PHAX: variants seen among roughly 807,000 people sequenced by gnomAD.
PHAX encodes the protein phosphorylated adaptor for RNA export.
A neutral mutation model predicts 41.6 loss-of-function variants in PHAX; 31 were observed. That is an observed-to-expected ratio of 0.75 (90% confidence interval 0.56 to 1.01). The LOEUF is 1.01. Among genes scored for constraint, PHAX ranks in the 50% least tolerant of loss-of-function variants. The pLI is 0.00. For missense variants in PHAX, 453 were observed against 472.9 expected (o/e 0.96, Z 0.39); for synonymous variants, 175 against 164.9 (o/e 1.06, Z -0.47).
chr5:126,622,442 ATTTTTTTT>A (rs56297404), intron 4 of PHAX, among the ~76,000 whole-genome samples: 5 of 56,070 alleles, frequency 8.9e-5, no homozygotes, highest in Non-Finnish European at 1.3e-4. Flanking sequence ...TAATTTTTGT[ATTTTTTTT>A]TTTTTTTTTT....
intron 4 of PHAX, among the ~76,000 whole-genome samples, chr5:126,620,348 C>T (rs1752250841): frequency 6.6e-6 from 1 of 152,158 alleles, no homozygotes; most frequent in Non-Finnish European, 1.5e-5. Flanking sequence ...TAAAAGATAC[C>T]TTCTAAGTAA....
intron 3 of PHAX, among the ~76,000 whole-genome samples, chr5:126,609,011 A>G (rs1184041326): frequency 6.6e-6 from 1 of 152,008 alleles, no homozygotes; most frequent in African/African-American, 2.4e-5. Flanking sequence ...TGACAAAAAA[A>G]CAAACAAACA....
At position 126,604,169 on chromosome 5, in the gene PHAX, T is replaced by A. The variant is rs1751952871; in HGVS notation, c.696T>A (p.Asp232Glu). Residue 232 changes from aspartate (D) to glutamate (E), a missense_variant, in exon 2 of 5, where the codon GAT becomes GAA. Transcript: ENST00000297540. The stretch of plus-strand genomic sequence containing the variant: ...AAGATTCTCAAGAGAAAGTGGCTGA[T>A]GAAATTTCATTCAGGTGAGCATTTG... The part of the protein sequence containing the change: ...TAEDSQEKVA[D>E]EISFRLQEPK... 6.5e-7 allele frequency: 1 copy of A among 1,530,002 alleles called. No individual in the cohort carries two copies. Among genetic ancestry groups the A allele is most frequent in the African/African-American group, 1.4e-5 (1 of 71,756 alleles). The allele number at this position is 1,530,002 out of a possible 1,614,324, so 94.8% of individuals were successfully genotyped here.
Position 126,624,742 on chromosome 5 carries a change from C to G in PHAX, c.1083C>G (p.Ala361=). 1 of 1,614,148 alleles carries G rather than the reference C, an allele frequency of 6.2e-7. No individual in the cohort carries two copies. The highest frequency in any genetic ancestry group is 8.5e-7 in the Non-Finnish European group (1 of 1,180,016). The change falls in exon 5 of 5, where the codon GCC becomes GCG. Residue 361 remains alanine (A), a synonymous_variant. Transcript: ENST00000297540. ...RETFASDTNE[A]LASLDESQEG... is the part of the protein sequence containing the mutation. ...CTTTTGCAAGTGACACGAATGAGGC[C>G]TTGGCCTCTCTTGATGAGTCACAGG...
chr5:126,608,475 C>T lies in PHAX; in HGVS notation c.822C>T (p.Leu274=), dbSNP rs1187250342. Reference sequence around the variant, plus strand: ...CTGAAGTTGAACAAAATGGTGGTCTCTTTATAATGGTAAGACTGCTTAACT... The same window carrying T: ...CTGAAGTTGAACAAAATGGTGGTCTTTTTATAATGGTAAGACTGCTTAACT... ...ETAEVEQNGG[L]FIMNGSRRRT... The change falls in exon 3 of 5, where the codon CTC becomes CTT. Residue 274 remains leucine, a synonymous_variant. Transcript: ENST00000297540. 1.2e-6 allele frequency: 2 copies of T among 1,613,280 alleles called. No homozygotes were observed. The highest frequency in any genetic ancestry group is 1.3e-5 in the African/African-American group (1 of 74,856).
intron 4 of PHAX, among the ~76,000 whole-genome samples, chr5:126,618,670 G>GTTT (rs1310062519): frequency 8.3e-6 from 1 of 120,362 alleles, no homozygotes; most frequent in Non-Finnish European, 1.7e-5. Context: ...TTTAAAAACT[G>GTTT]TTTTTTTTTT....
At chr5:126,612,974 A>G (rs1160159306) in intron 3 of PHAX, among the ~76,000 whole-genome samples, 1 of 152,212 alleles carries the variant, frequency 6.6e-6, no homozygotes, top group Non-Finnish European at 1.5e-5. Context: ...AAAAATTCAC[A>G]TTGGCTTCAA....
In PHAX at chr5:126,603,579, G is replaced by C; in HGVS notation, c.106G>C (p.Gly36Arg). ...DRPLQLPKVLGGDSAMRAFQN... is the reference protein window; with the variant it reads ...DRPLQLPKVLRGDSAMRAFQN... ...TTCTTTTCACTTGCAGAAAGTGCTA[G>C]GTGGCGACAGTGCTATGAGGGCCTT... Residue 36 changes from glycine to arginine, a missense_variant, in exon 2 of 5, where the codon GGT becomes CGT. By Grantham distance (125) the Gly-to-Arg change is moderately radical. Coordinates refer to ENST00000297540, the MANE Select transcript of PHAX (RefSeq NM_032177.4). 1 of 1,605,920 alleles carries C rather than the reference G, an allele frequency of 6.2e-7. No individual in the cohort carries two copies. The highest frequency in any genetic ancestry group is 8.5e-7 in the Non-Finnish European group (1 of 1,173,314).
Position 126,608,600 on chromosome 5 carries a change from T to A in PHAX, c.831+116T>A, listed in dbSNP as rs1752024951. 5.0e-6 allele frequency: 4 copies of A among 795,148 alleles called. No homozygotes were observed. The East Asian group carries it at 1.1e-4, about 21-fold the overall frequency. The allele number at this position is 795,148 out of a possible 1,614,324, so 49.3% of individuals were successfully genotyped here. A position where few individuals can be genotyped will look rare whatever the true frequency, so the allele number is the denominator to read the frequency against. On this transcript the variant is annotated intron_variant, in intron 3 of 4. Transcript: ENST00000297540. Reference sequence around the variant, plus strand: ...TGATTTATCATGCATTCTTACAGTATGTTTGAAGTTTTTAAACTATTATCA... The same window carrying A: ...TGATTTATCATGCATTCTTACAGTAAGTTTGAAGTTTTTAAACTATTATCA...
intron 4 of PHAX, among the ~76,000 whole-genome samples, chr5:126,621,060 G>A (rs1008596815): frequency 1.3e-5 from 2 of 151,774 alleles, no homozygotes; most frequent in Non-Finnish European, 2.9e-5. Context: ...AAAAAGAGAC[G>A]GTTTCACTCT....
At chr5:126,622,580 A>G (rs548254496) in intron 4 of PHAX, among the ~76,000 whole-genome samples, 30 of 150,184 alleles carry the variant, frequency 2.0e-4, no homozygotes, top group African/African-American at 7.3e-4. Flanking sequence ...AGAATGCGCT[A>G]CCACACCTGG....
chr5:126,601,760 G>T (rs113603524), intron 1 of PHAX, among the ~76,000 whole-genome samples: 23,541 of 152,000 alleles, frequency 0.15, 2,418 homozygotes, highest in East Asian at 0.31. Flanking sequence ...TCCGCCTCCC[G>T]GGTTCAAGCG....
intron 3 of PHAX, 144 bp from the exon 4 acceptor site, chr5:126,617,101 CATGTT>C (rs1394805525): frequency 2.2e-6 from 1 of 452,548 alleles, no homozygotes; most frequent in African/African-American, 2.0e-5. Context: ...GTAATTTACT[CATGTT>C]ACCTATTTTG....
chr5:126,613,322 C>T (rs1197537830), intron 3 of PHAX, among the ~76,000 whole-genome samples: 1 of 152,132 alleles, frequency 6.6e-6, no homozygotes, highest in African/African-American at 2.4e-5. Context: ...GCACTCCATC[C>T]TGGGCAACAA....
At chr5:126,618,544 C>T (rs1561682487) in intron 4 of PHAX, among the ~76,000 whole-genome samples, 1 of 152,014 alleles carries the variant, frequency 6.6e-6, no homozygotes, top group Non-Finnish European at 1.5e-5. Context: ...ATTTTATATA[C>T]TTTCCCCCTA....
chr5:126,608,328 CA>C (rs1752020782), intron 2 of PHAX, 35 bp from the exon 3 acceptor site: 1 of 1,594,254 alleles, frequency 6.3e-7, no homozygotes, highest in Non-Finnish European at 8.6e-7. Flanking sequence ...CTTTGTACAA[CA>C]AACAAAGAGG....
intron 3 of PHAX, among the ~76,000 whole-genome samples, chr5:126,613,748 GT>G (rs531331525): frequency 2.0e-5 from 3 of 151,018 alleles, no homozygotes; most frequent in African/African-American, 4.9e-5. Context: ...ATCATGGGTG[GT>G]TTTTTTCTTT....
intron 4 of PHAX, among the ~76,000 whole-genome samples, chr5:126,622,210 T>C (rs1196070898): frequency 6.6e-6 from 1 of 152,100 alleles, no homozygotes; most frequent in Non-Finnish European, 1.5e-5. Context: ...CTCGGCTCAC[T>C]GCAACCTCTG....
intron 1 of PHAX, among the ~76,000 whole-genome samples, chr5:126,602,878 G>A (rs1020017099): frequency 3.9e-5 from 6 of 151,914 alleles, no homozygotes; most frequent in South Asian, 2.1e-4. Flanking sequence ...GGTGGCGGGC[G>A]CCTGTAGTCC....
Sources: allele counts gnomAD v4.1 joint callset (sites outside exome capture counted in the v4.1 genomes callset), GRCh38; gene constraint gnomAD v4.1.1; transcripts MANE v1.5; gene names NCBI Gene and HGNC (gene_info 2026-07-23, HGNC 2026-07-21).